The following PDLIM1 variants were observed in gnomAD, a reference collection of about 807,000 sequenced individuals.
PDLIM1 encodes PDZ and LIM domain 1, also known as PDZ and LIM domain protein 1.
In PDLIM1, 25 loss-of-function variants were observed where a neutral mutation model predicts 35.2. The ratio of observed to expected loss-of-function variants is 0.71; its 90% confidence interval spans 0.52 to 0.99. The LOEUF is 0.99. Ranked by LOEUF, PDLIM1 falls within the 50% of genes least tolerant of loss-of-function variation. The probability of loss-of-function intolerance (pLI) is 0.00; values close to 1 mark genes in which losing one functional copy is unlikely to be tolerated. For missense variants in PDLIM1, 363 were observed against 415.3 expected, an observed-to-expected ratio of 0.87 and a Z score of 1.09; for synonymous variants, 152 against 154.0, an observed-to-expected ratio of 0.99 and a Z score of 0.10.
At chr10:95,240,997 C>G (rs1564596756) in intron 5 of PDLIM1, among the ~76,000 whole-genome samples, 1 of 152,106 alleles carries the variant, frequency 6.6e-6, no homozygotes, top group Admixed American at 6.5e-5. Context: ...GGGCCTAAGA[C>G]TGCATTTCCA....
intron 1 of PDLIM1, among the ~76,000 whole-genome samples, chr10:95,278,666 G>A (rs2035536052): frequency 6.6e-6 from 1 of 151,892 alleles, no homozygotes; most frequent in African/African-American, 2.4e-5. Context: ...CGAAGGGAGA[G>A]GAAGAGGATG....
chr10:95,289,894 A>G (rs2035636762), intron 1 of PDLIM1, among the ~76,000 whole-genome samples: 2 of 152,210 alleles, frequency 1.3e-5, no homozygotes, highest in Non-Finnish European at 2.9e-5. Context: ...CAAGCACTGA[A>G]CGTGACATCT....
chr10:95,243,528 T>A (rs2035195248), intron 5 of PDLIM1, among the ~76,000 whole-genome samples: 1 of 151,970 alleles, frequency 6.6e-6, no homozygotes, highest in Admixed American at 6.6e-5. Context: ...CACCTGGTGG[T>A]CCCCCATATC....
chr10:95,239,871 G>A (rs781055330), intron 5 of PDLIM1, among the ~76,000 whole-genome samples: 20 of 151,962 alleles, frequency 1.3e-4, no homozygotes, highest in African/African-American at 4.6e-4. Context: ...ACATACATGC[G>A]GCCAACAAAC....
At chr10:95,239,286 T>C (rs1481493653) in intron 5 of PDLIM1, among the ~76,000 whole-genome samples, 1 of 152,202 alleles carries the variant, frequency 6.6e-6, no homozygotes, top group Non-Finnish European at 1.5e-5. Flanking sequence ...GACATGGGCA[T>C]GGGCAAAGAT....
intron 5 of PDLIM1, among the ~76,000 whole-genome samples, chr10:95,244,709 G>A (rs910817040): frequency 6.6e-6 from 1 of 152,108 alleles, no homozygotes; most frequent in Non-Finnish European, 1.5e-5. Flanking sequence ...AGACCACCCT[G>A]GCCAACATGG....
At chr10:95,271,310 A>C (rs1298329786) in intron 2 of PDLIM1, among the ~76,000 whole-genome samples, 1 of 151,438 alleles carries the variant, frequency 6.6e-6, no homozygotes, top group African/African-American at 2.4e-5. Context: ...GGTGGTGCAC[A>C]TCTGTAATCC....
chr10:95,237,613 T>C lies in PDLIM1; in HGVS notation c.*312A>G. 1 of 327,864 alleles carries C rather than the reference T, an allele frequency of 3.1e-6. No homozygotes were observed. The allele number at this position is 327,864 out of a possible 1,614,324, so 20.3% of individuals were successfully genotyped here. On this transcript the variant is annotated 3_prime_UTR_variant, in exon 7 of 7. Transcript: ENST00000329399. Reference sequence around the variant, plus strand: ...TTATTGAGTAAAAACAAAATCAGTGTCAGACACGTTATATTTGATTGGGTT... The same window carrying C: ...TTATTGAGTAAAAACAAAATCAGTGCCAGACACGTTATATTTGATTGGGTT...
At chr10:95,259,214 T>C (rs1213102794) in intron 4 of PDLIM1, among the ~76,000 whole-genome samples, 1 of 152,244 alleles carries the variant, frequency 6.6e-6, no homozygotes, top group African/African-American at 2.4e-5. Context: ...AGGGGATCTC[T>C]GTATTATTTC....
Position 95,237,963 on chromosome 10 carries a change from G to C in PDLIM1, c.952C>G (p.Pro318Ala), listed in dbSNP as rs1424433102. The change falls in exon 7 of 7, where the codon CCT (proline) becomes GCT (alanine). Residue 318 changes from proline to alanine, a missense_variant. By Grantham distance (27) the Pro-to-Ala change is conservative. Transcript: ENST00000329399. ...ACAGTGACCACTTCATAACCCTCAG[G>C]TGGTGTGACTCGCTCCCGGGCATGC... is the stretch of plus-strand genomic sequence containing the variant. ...EKHARERVTP[P>A]EGYEVVTVFP... 1 of 1,614,190 alleles carries C rather than the reference G, an allele frequency of 6.2e-7. No individual in the cohort carries two copies. The highest frequency in any genetic ancestry group is 1.1e-5 in the South Asian group (1 of 91,076).
At chr10:95,271,100 G>C (rs368897916) in intron 2 of PDLIM1, among the ~76,000 whole-genome samples, 65 of 151,954 alleles carry the variant, frequency 4.3e-4, no homozygotes, top group African/African-American at 1.5e-3. Context: ...AAGTGAAAAT[G>C]CAAGTATCTT....
At chr10:95,242,408 G>A (rs555748550) in intron 5 of PDLIM1, among the ~76,000 whole-genome samples, 11 of 152,028 alleles carry the variant, frequency 7.2e-5, no homozygotes, top group South Asian at 2.1e-4. Context: ...ACTCAAGGCC[G>A]GGCGCAGTGG....
rs528224662 is a variant in PDLIM1, at chr10:95,290,443, G to A, written c.96+377C>T. Among the ~76,000 whole-genome samples the A allele has an allele frequency of 1.9e-4, 28 of 145,678 alleles. No individual in the cohort carries two copies. Among genetic ancestry groups the A allele is most frequent in the African/African-American group, 5.4e-4 (21 of 38,910 alleles). ...CTTTCCTGTTGCGTTCGGCTGCACT[G>A]CGATCTGGGAAGAAGGGAGAAGTGC... On this transcript the variant is annotated intron_variant, in intron 1 of 6. Transcript: ENST00000329399. This position sits in a 1 kb window ranked among gnomAD's most constrained non-coding sequence, Gnocchi z 4.7.
chr10:95,254,524 G>C (rs35497513), intron 4 of PDLIM1, among the ~76,000 whole-genome samples: 40,677 of 152,086 alleles, frequency 0.27, 5,636 homozygotes, highest in Non-Finnish European at 0.31. Context: ...GAAAGGAAAA[G>C]AGACACATTC....
At chr10:95,238,179 G>A in intron 6 of PDLIM1, 68 bp from the exon 7 acceptor site, 2 of 1,419,144 alleles carry the variant, frequency 1.4e-6, no homozygotes, top group Non-Finnish European at 1.9e-6. Context: ...CTGAGCAGGT[G>A]GCACCATCCT....
chr10:95,261,844 AC>A (rs1181435617), intron 4 of PDLIM1, among the ~76,000 whole-genome samples: 4 of 152,114 alleles, frequency 2.6e-5, no homozygotes, highest in Admixed American at 2.0e-4. Context: ...CCCCATCTAT[AC>A]TAAAAACACA....
chr10:95,261,913 C>G (rs924712249), intron 4 of PDLIM1, among the ~76,000 whole-genome samples: 2 of 151,400 alleles, frequency 1.3e-5, no homozygotes, highest in Non-Finnish European at 2.9e-5. Flanking sequence ...GAGGCTGATG[C>G]AGAAGAATCG....
chr10:95,254,595 A>C (rs1359103670), intron 4 of PDLIM1, among the ~76,000 whole-genome samples: 1 of 152,208 alleles, frequency 6.6e-6, no homozygotes, highest in Non-Finnish European at 1.5e-5. Context: ...AACTAGACAG[A>C]TAATCAGAGA....
In PDLIM1 at chr10:95,271,919, A is replaced by G. The variant is rs2035468275; in HGVS notation, c.97-135T>C. 5.5e-6 allele frequency: 4 copies of G among 732,100 alleles called. No homozygotes were observed. The Admixed American group carries it at 9.6e-5, about 18-fold the overall frequency. 45.4% of individuals were successfully genotyped at this position (732,100 alleles called of 1,614,324 possible). A position where few individuals can be genotyped will look rare whatever the true frequency, so the allele number is the denominator to read the frequency against. ...GGCTGAAATCATAGCTTAAATAATA[A>G]CAATCATTTATATTATCATTGACAA... On this transcript the variant is annotated intron_variant, in intron 1 of 6. Coordinates refer to ENST00000329399, the MANE Select transcript of PDLIM1 (RefSeq NM_020992.4).
Sources: allele counts gnomAD v4.1 joint callset (sites outside exome capture counted in the v4.1 genomes callset), GRCh38; gene constraint gnomAD v4.1.1; non-coding constraint Gnocchi (gnomAD v3.1); transcripts MANE v1.5; gene names NCBI Gene and HGNC (gene_info 2026-07-23, HGNC 2026-07-21).